The following APOOL variants were observed in gnomAD, a reference collection of about 807,000 sequenced individuals.
APOOL encodes apolipoprotein O like, also known as MICOS complex subunit MIC27.
APOOL carries 12 observed loss-of-function variants against 23.1 expected under a neutral mutation model. The ratio of observed to expected loss-of-function variants is 0.52; its 90% CI spans 0.33 to 0.84. The LOEUF is 0.84. Among genes scored for constraint, APOOL ranks in the 40% least tolerant of loss-of-function variants. APOOL has a pLI of 0.02. For synonymous variants in APOOL, 77 were observed against 69.9 expected, an observed-to-expected ratio of 1.10 and a Z score of -0.51; for missense variants, 212 against 199.6, an observed-to-expected ratio of 1.06 and a Z score of -0.37.
chrX:85,051,196 C>G (rs1176863345), intron 2 of APOOL, among the ~76,000 whole-genome samples, 193 bp from the exon 3 acceptor site: 2 of 111,377 alleles, frequency 1.8e-5, no homozygotes. Flanking sequence ...CTTTTAATTT[C>G]TGGGTTTTAA....
chrX:85,052,719 T>C (rs935072608), intron 3 of APOOL, among the ~76,000 whole-genome samples: 2 of 111,683 alleles, frequency 1.8e-5, no homozygotes, highest in Non-Finnish European at 1.9e-5. Flanking sequence ...TACTACACAC[T>C]ATTAATAGTT....
In APOOL at chrX:85,090,760, C is replaced by T. The variant is rs1332210474; in HGVS notation, c.*3082C>T. The T allele has an allele frequency of 8.9e-6, 1 of 111,875 alleles. No individual in the cohort carries two copies. Among genetic ancestry groups the T allele is most frequent in the African/African-American group, 3.2e-5 (1 of 30,791 alleles). The allele number at this position is 111,875 out of a possible 1,213,427, so 9.2% of individuals were successfully genotyped here. A position where few individuals can be genotyped will look rare whatever the true frequency, so the allele number is the denominator to read the frequency against. On this transcript the variant is annotated 3_prime_UTR_variant, in exon 9 of 9. Transcript: ENST00000373173. ...TACATTCTAACTTCTACCCATCCTACAAGTCCAATTCCAGTGTCATGTTCC... is the reference window on the plus strand; with the variant it reads ...TACATTCTAACTTCTACCCATCCTATAAGTCCAATTCCAGTGTCATGTTCC...
Position 85,086,910 on chromosome X carries a change from A to G in APOOL, c.719-680A>G, listed in dbSNP as rs780910295. Among the ~76,000 whole-genome samples the G allele has an allele frequency of 5.9e-3, 634 of 107,395 alleles. 5 individuals are homozygous for G. Among genetic ancestry groups the G allele is most frequent in the African/African-American group, 0.021 (610 of 29,411 alleles). 93.3% of individuals were successfully genotyped at this position (107,395 alleles called of 115,157 possible). A position where few individuals can be genotyped will look rare whatever the true frequency, so the allele number is the denominator to read the frequency against. On this transcript the variant is annotated intron_variant, in intron 8 of 8. Transcript: ENST00000373173. ...GAAACGGGGTTTCACCGTGTTAGCCAAGATGGTCTTGATCTCCTGACCTCG... is the reference window on the plus strand; with the variant it reads ...GAAACGGGGTTTCACCGTGTTAGCCGAGATGGTCTTGATCTCCTGACCTCG...
At chrX:85,062,187 G>T (rs1923254850) in intron 5 of APOOL, among the ~76,000 whole-genome samples, 1 of 110,760 alleles carries the variant, frequency 9.0e-6, no homozygotes, top group Non-Finnish European at 1.9e-5. Flanking sequence ...GTTTGTTCAT[G>T]TCCTTTGCCT....
At chrX:85,057,099 CTT>C (rs1698963133) in intron 5 of APOOL, among the ~76,000 whole-genome samples, 1 of 111,730 alleles carries the variant, frequency 9.0e-6, no homozygotes, top group African/African-American at 3.3e-5. Context: ...CCACGGTTTA[CTT>C]TATCACTTAA....
chrX:85,047,348 T>C (rs1242009308), intron 2 of APOOL, among the ~76,000 whole-genome samples: 1 of 111,820 alleles, frequency 8.9e-6, no homozygotes, highest in Non-Finnish European at 1.9e-5. Context: ...TAGTTTGTTT[T>C]TCTTTTTAAA....
intron 1 of APOOL, among the ~76,000 whole-genome samples, chrX:85,034,081 A>C (rs1264245647): frequency 1.8e-5 from 2 of 111,020 alleles, no homozygotes; most frequent in East Asian, 2.8e-4. Flanking sequence ...AGATTTTGAA[A>C]ATGTCTTGTT....
chrX:85,046,421 G>C (rs368202889), intron 1 of APOOL, 25 bp from the exon 2 acceptor site: 1 of 1,130,275 alleles, frequency 8.8e-7, no homozygotes, highest in Non-Finnish European at 1.2e-6. Flanking sequence ...CAACTAAAAA[G>C]ATGTTTTTGA....
intron 1 of APOOL, among the ~76,000 whole-genome samples, chrX:85,008,533 C>CATT (rs1921153410): frequency 3.3e-5 from 1 of 30,422 alleles, no homozygotes; most frequent in South Asian, 2.2e-3. Flanking sequence ...AATGATAACC[C>CATT]GTTGTGTGTG....
intron 1 of APOOL, among the ~76,000 whole-genome samples, chrX:85,016,214 G>A (rs2018696228): frequency 9.5e-6 from 1 of 105,493 alleles, no homozygotes; most frequent in Admixed American, 1.0e-4. Context: ...TGGTACAAAA[G>A]GAATTGAGGT....
At chrX:85,071,304 TACAC>T (rs1287161096) in intron 6 of APOOL, among the ~76,000 whole-genome samples, 1 of 110,635 alleles carries the variant, frequency 9.0e-6, no homozygotes, top group African/African-American at 3.3e-5. Context: ...TACTATAGTA[TACAC>T]AATAAAATAG....
intron 1 of APOOL, among the ~76,000 whole-genome samples, chrX:85,031,065 T>A (rs909409415): frequency 8.9e-6 from 1 of 112,187 alleles, no homozygotes; most frequent in Non-Finnish European, 1.9e-5. Context: ...GCCAGATTGA[T>A]TGGGTCCTCA....
intron 1 of APOOL, among the ~76,000 whole-genome samples, chrX:85,042,339 A>C (rs760707199): frequency 8.9e-6 from 1 of 111,926 alleles, no homozygotes; most frequent in African/African-American, 3.2e-5. Context: ...TATGCCAATA[A>C]GTTGGAAAAT....
At chrX:85,057,080 A>G (rs1255248075) in intron 5 of APOOL, among the ~76,000 whole-genome samples, 1 of 111,743 alleles carries the variant, frequency 8.9e-6, no homozygotes, top group African/African-American at 3.2e-5. Context: ...ATTCCTTCAT[A>G]TGGATGTGCC....
intron 1 of APOOL, among the ~76,000 whole-genome samples, chrX:85,015,643 A>G (rs1467716417): frequency 9.3e-6 from 1 of 107,880 alleles, no homozygotes; most frequent in Admixed American, 1.0e-4. Flanking sequence ...ATCTCTGTTC[A>G]CTGCAACCTC....
chrX:85,078,148 T>A (rs1260428807), intron 8 of APOOL, among the ~76,000 whole-genome samples: 6 of 111,903 alleles, frequency 5.4e-5, no homozygotes, highest in Non-Finnish European at 9.4e-5. Flanking sequence ...GGTGTTTTAG[T>A]CATGAAGTCC....
intron 1 of APOOL, among the ~76,000 whole-genome samples, chrX:85,008,814 A>G (rs969337926): frequency 1.8e-5 from 2 of 111,695 alleles, no homozygotes; most frequent in Non-Finnish European, 3.8e-5. Context: ...AAATGCCACT[A>G]GAATTGAATC....
rs996197897 is a variant in APOOL at position 85,088,015 on chromosome X, A to C, written c.*337A>C. On this transcript the variant is annotated 3_prime_UTR_variant, in exon 9 of 9. Transcript: ENST00000373173. Reference sequence around the variant, plus strand: ...ATACATATATATATATGTATGTATAAATACATACATATTTATACATGTATA... The same window carrying C: ...ATACATATATATATATGTATGTATACATACATACATATTTATACATGTATA... The C allele has an allele frequency of 9.4e-6, 1 of 106,599 alleles. No individual in the cohort carries two copies. Among genetic ancestry groups the C allele is most frequent in the East Asian group, 2.8e-4 (1 of 3,584 alleles). The allele number at this position is 106,599 out of a possible 1,213,427, so 8.8% of individuals were successfully genotyped here.
chrX:85,026,125 A>C (rs781448594), intron 1 of APOOL, among the ~76,000 whole-genome samples: 2 of 113,423 alleles, frequency 1.8e-5, no homozygotes, highest in Non-Finnish European at 1.9e-5. Flanking sequence ...TCACTGCTGG[A>C]TTCTGCACCT....
Sources: gnomAD v4.1 joint callset for allele counts (sites outside exome capture counted in the v4.1 genomes callset) on GRCh38, gnomAD v4.1.1 for gene constraint, MANE v1.5 for transcripts, NCBI Gene and HGNC (gene_info 2026-07-23, HGNC 2026-07-21) for gene names.